Variants in INPP4A observed in about 807,000 individuals in gnomAD.
The protein encoded by INPP4A is inositol polyphosphate-4-phosphatase, type I, 107kD.
Under a neutral mutation model 119.8 loss-of-function variants are expected in INPP4A, and 33 were observed. The observed-to-expected ratio is 0.28, with a 90% CI of 0.21 to 0.37. The LOEUF is 0.37. INPP4A is among the 10% of genes least tolerant of loss of function. The pLI is 1.00. For missense variants in INPP4A, 956 were observed against 1,289.9 expected, an observed-to-expected ratio of 0.74 and a Z score of 3.97; for synonymous variants, 496 against 500.7, an observed-to-expected ratio of 0.99 and a Z score of 0.12.
chr2:98,485,948 G>T (rs1288693085), intron 1 of INPP4A, among the ~76,000 whole-genome samples: 1 of 152,140 alleles, frequency 6.6e-6, no homozygotes. Flanking sequence ...TTTACTGCTT[G>T]TTCAAATAAG....
intron 5 of INPP4A, among the ~76,000 whole-genome samples, chr2:98,535,266 G>T (rs1690017017): frequency 6.6e-6 from 1 of 152,218 alleles, no homozygotes; most frequent in African/African-American, 2.4e-5. Context: ...CAGGCTTCTA[G>T]AAATACATAA....
intron 1 of INPP4A, among the ~76,000 whole-genome samples, chr2:98,504,253 T>G (rs1217617555): frequency 6.6e-6 from 1 of 152,238 alleles, no homozygotes; most frequent in Non-Finnish European, 1.5e-5. Context: ...ACATCAGGAC[T>G]GCTTGCTGCC....
At chr2:98,508,120 A>G (rs1441484221) in intron 1 of INPP4A, among the ~76,000 whole-genome samples, 3 of 152,142 alleles carry the variant, frequency 2.0e-5, no homozygotes, top group African/African-American at 4.8e-5. Flanking sequence ...CTCTCCTGAA[A>G]GGGAAGAAGG....
intron 17 of INPP4A, among the ~76,000 whole-genome samples, chr2:98,561,890 C>T (rs897410381): frequency 2.0e-5 from 3 of 152,190 alleles, no homozygotes; most frequent in African/African-American, 7.2e-5. Flanking sequence ...TTTTAATAGG[C>T]ACTTCATATA....
At chr2:98,452,099 C>T (rs1431163156) in intron 1 of INPP4A, among the ~76,000 whole-genome samples, 4 of 152,282 alleles carry the variant, frequency 2.6e-5, no homozygotes, top group African/African-American at 7.2e-5. Context: ...AGTGGGACTG[C>T]GTGCTTCCTT....
In INPP4A at chr2:98,566,145, A is replaced by G. The variant is rs757400396; in HGVS notation, c.2396A>G (p.Asn799Ser). Residue 799 changes from asparagine (N) to serine (S), a missense_variant, in exon 21 of 25, where the codon AAT (asparagine) becomes AGT (serine). Around this residue, in one of 2 missense-constraint regions of INPP4A, gnomAD observed 304 missense variants for 492.1 expected, o/e 0.62. Coordinates refer to ENST00000409851, the MANE Select transcript of INPP4A (RefSeq NM_001134225.2). This position sits in a 1 kb window ranked among gnomAD's most constrained non-coding sequence, Gnocchi z 4.2. ...CCCGTCCTCTTCAACGTGGGCATCA[A>G]TGAGCAGCAGACACTGGCCGAGAGG... ...VQPVLFNVGI[N>S]EQQTLAERFG... 13 of 1,598,100 alleles carry G rather than the reference A, an allele frequency of 8.1e-6. No individual in the cohort carries two copies. The highest frequency in any genetic ancestry group is 1.7e-4 in the Middle Eastern group (1 of 6,032).
At chr2:98,548,423 C>T (rs73964093) in intron 13 of INPP4A, among the ~76,000 whole-genome samples, 117 of 152,298 alleles carry the variant, frequency 7.7e-4, no homozygotes, top group African/African-American at 2.7e-3. Flanking sequence ...GCGTGTCTGT[C>T]GCTCCATTGC....
intron 10 of INPP4A, among the ~76,000 whole-genome samples, chr2:98,540,416 C>T (rs375595187): frequency 3.9e-5 from 6 of 152,360 alleles, no homozygotes; most frequent in African/African-American, 1.4e-4. Flanking sequence ...CCTTCTGCAT[C>T]TCTCAACCCA....
intron 23 of INPP4A, among the ~76,000 whole-genome samples, chr2:98,575,759 G>A (rs1281126774): frequency 6.6e-6 from 1 of 152,182 alleles, no homozygotes; most frequent in Non-Finnish European, 1.5e-5. Context: ...ATGAGACACT[G>A]ATATTTTTCT....
At position 98,485,955 on chromosome 2, in the gene INPP4A, T is replaced by C. The variant is rs574900682; in HGVS notation, c.-165-33009T>C. On this transcript the variant is annotated intron_variant, in intron 1 of 24. Coordinates refer to ENST00000409851, the MANE Select transcript of INPP4A (RefSeq NM_001134225.2). ...CACTCTTCTTTACTGCTTGTTCAAA[T>C]AAGGGGAGGGGGCCTCCAGATGAAA... Among the ~76,000 whole-genome samples the C allele has an allele frequency of 1.9e-4, 29 of 152,302 alleles. No individual in the cohort carries two copies. In the South Asian group the frequency reaches 3.1e-3, roughly 16 times the overall value.
At chr2:98,492,208 T>C (rs947624601) in intron 1 of INPP4A, among the ~76,000 whole-genome samples, 3 of 152,182 alleles carry the variant, frequency 2.0e-5, no homozygotes, top group Non-Finnish European at 2.9e-5. Flanking sequence ...TCTGATGTTT[T>C]GGTCTTATGA....
chr2:98,545,238 ATTTC>A (rs1256584206), intron 11 of INPP4A, among the ~76,000 whole-genome samples: 1 of 151,970 alleles, frequency 6.6e-6, no homozygotes, highest in Non-Finnish European at 1.5e-5. Flanking sequence ...TGAAACGTTT[ATTTC>A]TTCTACTCTC....
In INPP4A at chr2:98,522,179, C is replaced by T. The variant is rs1426662039; in HGVS notation, c.151+1448C>T. Among the ~76,000 whole-genome samples the T allele has an allele frequency of 2.0e-5, 3 of 150,730 alleles. No individual in the cohort carries two copies. In the East Asian group the frequency reaches 5.9e-4, roughly 29 times the overall value. ...GTGCGTGCCTGTAATCCCAGCTACTCGGGAGGCTGAAGCAGGGGAATCGCT... is the reference window on the plus strand; with the variant it reads ...GTGCGTGCCTGTAATCCCAGCTACTTGGGAGGCTGAAGCAGGGGAATCGCT... On this transcript the variant is annotated intron_variant, in intron 4 of 24. Transcript: ENST00000409851.
At chr2:98,529,692 C>T (rs577405776) in intron 4 of INPP4A, among the ~76,000 whole-genome samples, 25 of 152,062 alleles carry the variant, frequency 1.6e-4, no homozygotes, top group African/African-American at 4.6e-4. Context: ...GCTGAGATCG[C>T]GCCACTGCAC....
chr2:98,463,631 A>G (rs528028945), intron 1 of INPP4A, among the ~76,000 whole-genome samples: 155 of 152,352 alleles, frequency 1.0e-3, no homozygotes, highest in African/African-American at 3.6e-3. Flanking sequence ...TTTCAGGCAC[A>G]AAGGAATTGA....
intron 4 of INPP4A, among the ~76,000 whole-genome samples, chr2:98,522,070 A>C (rs767820711): frequency 6.6e-6 from 1 of 151,998 alleles, no homozygotes; most frequent in African/African-American, 2.4e-5. Context: ...GGCGGATCAC[A>C]TGAGGTCAGG....
In INPP4A at chr2:98,536,179, C is replaced by G; in HGVS notation, c.438C>G (p.Asp146Glu). 4.3e-6 allele frequency: 7 copies of G among 1,610,942 alleles called. No homozygotes were observed. Among genetic ancestry groups the G allele is most frequent in the Non-Finnish European group, 5.1e-6 (6 of 1,177,256 alleles). ...GTFIVKDLLQ[D>E]RHHRLHLTLR... ...TCATTGTCAAAGATCTGCTCCAGGA[C>G]AGGCATCATAGGTTGCATTTAACAC... The change falls in exon 7 of 25, where the codon GAC becomes GAG. Residue 146 changes from aspartate (D) to glutamate (E), a missense_variant. Physicochemically the swap from Asp to Glu is conservative, Grantham distance 45. Transcript: ENST00000409851.
intron 23 of INPP4A, among the ~76,000 whole-genome samples, chr2:98,573,522 G>A (rs541770753): frequency 6.6e-6 from 1 of 152,300 alleles, no homozygotes; most frequent in African/African-American, 2.4e-5. Flanking sequence ...GGCCCCAGTG[G>A]CATTCCCGCT....
At chr2:98,508,133 A>C (rs2105487925) in intron 1 of INPP4A, among the ~76,000 whole-genome samples, 1 of 152,276 alleles carries the variant, frequency 6.6e-6, no homozygotes, top group African/African-American at 2.4e-5. Flanking sequence ...GAAGAAGGAG[A>C]GAAGCAGAGC....
Sources: allele counts gnomAD v4.1 joint callset (sites outside exome capture counted in the v4.1 genomes callset), GRCh38; gene constraint gnomAD v4.1.1; regional missense constraint gnomAD v4.1.1; non-coding constraint Gnocchi (gnomAD v3.1); transcripts MANE v1.5; gene names NCBI Gene and HGNC (gene_info 2026-07-23, HGNC 2026-07-21).